The following ARPP21 variants were observed in gnomAD, a reference collection of about 807,000 sequenced individuals.
ARPP21 encodes cAMP regulated phosphoprotein 21.
ARPP21 carries 69 observed loss-of-function variants against 113.2 expected under a neutral mutation model. The ratio of observed to expected loss-of-function variants is 0.61; its 90% CI spans 0.50 to 0.74. The LOEUF (loss-of-function observed/expected upper bound fraction) is 0.74. Among genes scored for constraint, ARPP21 ranks in the 30% least tolerant of loss-of-function variants. The pLI, the probability that ARPP21 is intolerant of heterozygous loss-of-function variation, is 0.00. For missense variants in ARPP21, 1,070 were observed against 1,037.4 expected (o/e 1.03, Z -0.43); for synonymous variants, 368 against 375.5 (o/e 0.98, Z 0.23).
Position 35,743,938 on chromosome 3 carries a change from C to T in ARPP21, c.2110C>T (p.Gln704Ter). 1 of 1,614,132 alleles carries T rather than the reference C, an allele frequency of 6.2e-7. No individual in the cohort carries two copies. The highest frequency in any genetic ancestry group is 8.5e-7 in the Non-Finnish European group (1 of 1,179,966). The stretch of plus-strand genomic sequence containing the variant: ...TCAGTACAACGCTCAGAGGAGTCAA[C>T]AGATGCCACAGGCAGCACAGCAAGC... ...PVQYNAQRSQ[Q>*]MPQAAQQAGY... The change falls in exon 19 of 21, where the codon CAG becomes TAG. Residue 704 changes from glutamine (Q) to a stop codon, truncating the protein, a stop_gained. Coordinates refer to ENST00000684406, the MANE Select transcript of ARPP21 (RefSeq NM_001385562.1). LOFTEE classifies it high-confidence loss of function.
chr3:35,750,890 G>T (rs928591512), intron 19 of ARPP21, among the ~76,000 whole-genome samples: 6 of 152,172 alleles, frequency 3.9e-5, no homozygotes, highest in African/African-American at 1.4e-4. Flanking sequence ...CAGTGATTGG[G>T]CTTTGGGTGA....
At chr3:35,757,640 A>G (rs940625201) in intron 19 of ARPP21, among the ~76,000 whole-genome samples, 6 of 152,132 alleles carry the variant, frequency 3.9e-5, no homozygotes, top group African/African-American at 1.4e-4. Flanking sequence ...TAAATTGTGA[A>G]AACAATGCAG....
At chr3:35,643,325 A>T (rs1698867601) in intron 1 of ARPP21, among the ~76,000 whole-genome samples, 1 of 152,092 alleles carries the variant, frequency 6.6e-6, no homozygotes, top group Non-Finnish European at 1.5e-5. Context: ...GATTTTTGCC[A>T]ATTCCTATGA....
At chr3:35,690,815 G>A (rs2082038005) in intron 8 of ARPP21, 50 bp from the exon 9 acceptor site, 1 of 1,551,020 alleles carries the variant, frequency 6.4e-7, no homozygotes, top group East Asian at 2.3e-5. Flanking sequence ...AAGGTATTAT[G>A]GGCAAAAAAT....
chr3:35,682,762 CTT>C (rs1491446722), intron 3 of ARPP21, 84 bp from the exon 4 acceptor site: 12,025 of 1,136,664 alleles, frequency 0.011, no homozygotes, highest in South Asian at 0.021. Flanking sequence ...TTCTCTCTTT[CTT>C]TCTCTCTCTC....
intron 19 of ARPP21, among the ~76,000 whole-genome samples, chr3:35,779,090 T>C (rs1038771470): frequency 5.3e-4 from 80 of 152,336 alleles, no homozygotes; most frequent in African/African-American, 1.9e-3. Flanking sequence ...CCAAAACTTA[T>C]ATTTTCTTTC....
intron 18 of ARPP21, among the ~76,000 whole-genome samples, chr3:35,743,129 G>C (rs779678575): frequency 2.6e-5 from 4 of 152,170 alleles, no homozygotes; most frequent in Non-Finnish European, 5.9e-5. Context: ...TGCTTTGATA[G>C]ACTACCATAT....
At chr3:35,744,496 C>T (rs769991861) in intron 19 of ARPP21, 1 of 529,428 alleles carries the variant, frequency 1.9e-6, no homozygotes. Context: ...GAAGGGGGGC[C>T]GATACACTGT....
chr3:35,660,280 C>A (rs1707094800), intron 1 of ARPP21, among the ~76,000 whole-genome samples: 1 of 152,144 alleles, frequency 6.6e-6, no homozygotes, highest in South Asian at 2.1e-4. Context: ...CTGAATAAAA[C>A]ACAAGATGGT....
chr3:35,653,565 A>G (rs1179074301), intron 1 of ARPP21, among the ~76,000 whole-genome samples: 3 of 151,972 alleles, frequency 2.0e-5, no homozygotes, highest in African/African-American at 4.8e-5. Context: ...CTGATTTTAC[A>G]TATCTTTGGG....
rs897735825 is a variant in ARPP21 at position 35,770,825 on chromosome 3, T to C, written c.2138-21557T>C. On this transcript the variant is annotated intron_variant, in intron 19 of 20. Transcript: ENST00000684406. ...TGATTTATTCTACAATGAAAGGCTATGTTGAGAATCACTGCAGTAATATAT... is the reference window on the plus strand; with the variant it reads ...TGATTTATTCTACAATGAAAGGCTACGTTGAGAATCACTGCAGTAATATAT... Among the ~76,000 whole-genome samples, 12 of 152,330 alleles carry C rather than the reference T, an allele frequency of 7.9e-5. No homozygotes were observed. The South Asian group carries it at 1.9e-3, about 24-fold the overall frequency.
chr3:35,680,465 C>T (rs923412035), intron 2 of ARPP21, among the ~76,000 whole-genome samples: 1 of 151,884 alleles, frequency 6.6e-6, no homozygotes, highest in East Asian at 1.9e-4. Context: ...TCATTAGATA[C>T]CATCTGTTTT....
intron 11 of ARPP21, 87 bp downstream of exon 11, chr3:35,709,157 G>C: frequency 1.1e-6 from 1 of 873,856 alleles, no homozygotes; most frequent in Non-Finnish European, 1.8e-6. Context: ...AGGTGGCAGG[G>C]AATAAAAAGG....
At chr3:35,722,691 G>T (rs2093207176) in intron 14 of ARPP21, among the ~76,000 whole-genome samples, 1 of 152,126 alleles carries the variant, frequency 6.6e-6, no homozygotes, top group Non-Finnish European at 1.5e-5. Context: ...AACAGTCTTT[G>T]GAAGGTGAGT....
At chr3:35,746,245 A>G (rs1229694343) in intron 19 of ARPP21, among the ~76,000 whole-genome samples, 4 of 152,322 alleles carry the variant, frequency 2.6e-5, no homozygotes, top group Admixed American at 2.6e-4. Flanking sequence ...CTGACCTTAC[A>G]GAGAATCACT....
intron 15 of ARPP21, among the ~76,000 whole-genome samples, chr3:35,736,612 G>C (rs969659025): frequency 1.3e-5 from 2 of 152,100 alleles, no homozygotes; most frequent in African/African-American, 4.8e-5. Flanking sequence ...CTAAAACCCC[G>C]GGTATCCTTG....
intron 19 of ARPP21, 37 bp downstream of exon 19, chr3:35,744,002 A>C: frequency 1.2e-6 from 2 of 1,612,670 alleles, no homozygotes; most frequent in Non-Finnish European, 1.7e-6. Flanking sequence ...TTCTCAACCC[A>C]GTTATTTTTG....
intron 11 of ARPP21, chr3:35,714,894 A>G (rs1321890201): frequency 6.6e-6 from 1 of 151,646 alleles, no homozygotes; most frequent in African/African-American, 2.4e-5. Context: ...TTCCCCTCTT[A>G]CTTAAGATCA....
intron 9 of ARPP21, among the ~76,000 whole-genome samples, chr3:35,701,031 G>T (rs776834051): frequency 6.6e-6 from 1 of 151,538 alleles, no homozygotes; most frequent in Non-Finnish European, 1.5e-5. Context: ...AATTCAAGGA[G>T]CCTAAAATTG....
Sources: gnomAD v4.1 joint callset for allele counts (sites outside exome capture counted in the v4.1 genomes callset) on GRCh38, gnomAD v4.1.1 for gene constraint, MANE v1.5 for transcripts, NCBI Gene and HGNC (gene_info 2026-07-23, HGNC 2026-07-21) for gene names.